The following AFF4 variants were observed in gnomAD, a reference collection of about 807,000 sequenced individuals.
AFF4 encodes the protein ALF transcription elongation factor 4, also known as AF4/FMR2 family member 4.
A neutral mutation model predicts 124.8 loss-of-function variants in AFF4; 13 were observed. That is an observed-to-expected ratio of 0.10 (90% CI 0.07 to 0.17). The LOEUF (loss-of-function observed/expected upper bound fraction) is 0.17, where lower values mean the gene tolerates loss of function less well. Ranked by LOEUF, AFF4 falls within the 10% of genes least tolerant of loss-of-function variation. AFF4 has a pLI of 1.00. For missense variants in AFF4, 1,092 were observed against 1,403.8 expected (o/e 0.78, Z 3.55); for synonymous variants, 477 against 496.1 (o/e 0.96, Z 0.51).
rs1278614054 is a variant in AFF4 at position 132,898,211 on chromosome 5, CCCA to C, written c.1389+16_1389+18del. On this transcript the variant is annotated intron_variant, in intron 10 of 20. Coordinates refer to ENST00000265343, the MANE Select transcript of AFF4 (RefSeq NM_014423.4). ...CCCTGAGAGGGCCTGTGGAAGGTAC[CCCA>C]CCGCCTCTGTCTCACCTCGGGAGAT... 1.3e-5 allele frequency: 21 copies of C among 1,613,598 alleles called. No individual in the cohort carries two copies. The highest frequency in any genetic ancestry group is 1.8e-5 in the Non-Finnish European group (21 of 1,179,770).
At chr5:132,890,627 A>G (rs1262984754) in intron 13 of AFF4, among the ~76,000 whole-genome samples, 1 of 152,208 alleles carries the variant, frequency 6.6e-6, no homozygotes, top group Non-Finnish European at 1.5e-5. Flanking sequence ...ACTAAATTAC[A>G]GATTATTCTC....
chr5:132,936,469 G>C (rs553530439), intron 2 of AFF4, among the ~76,000 whole-genome samples: 15 of 152,020 alleles, frequency 9.9e-5, no homozygotes, highest in Non-Finnish European at 2.1e-4. Flanking sequence ...TGATACTGAA[G>C]ACACATTTAT....
chr5:132,922,567 G>A (rs1761071777), intron 5 of AFF4, among the ~76,000 whole-genome samples: 1 of 151,938 alleles, frequency 6.6e-6, no homozygotes, highest in African/African-American at 2.4e-5. Context: ...GGCTCACGAG[G>A]TCAAGAGATC....
intron 5 of AFF4, among the ~76,000 whole-genome samples, chr5:132,910,989 T>C (rs1013327463): frequency 2.0e-4 from 30 of 152,290 alleles, no homozygotes; most frequent in Admixed American, 9.8e-4. Context: ...ATACCCATAT[T>C]CTCTGCTTCC....
intron 1 of AFF4, among the ~76,000 whole-genome samples, chr5:132,950,690 AT>A (rs1164883316): frequency 2.0e-5 from 3 of 152,138 alleles, no homozygotes; most frequent in African/African-American, 7.2e-5. Context: ...TGGAAGAAAA[AT>A]ATTTTTATCA....
chr5:132,948,443 AAAC>A (rs1329753154), intron 1 of AFF4: 1 of 152,352 alleles, frequency 6.6e-6, no homozygotes, highest in African/African-American at 2.4e-5. Context: ...AAAGATTAAA[AAAC>A]AATACTAAAA....
intron 20 of AFF4, among the ~76,000 whole-genome samples, chr5:132,882,386 T>C (rs773633671): frequency 6.6e-6 from 1 of 152,176 alleles, no homozygotes; most frequent in African/African-American, 2.4e-5. Context: ...CTGTAAAGGA[T>C]CTGCCTAAAG....
intron 1 of AFF4, among the ~76,000 whole-genome samples, chr5:132,938,867 C>T (rs1253963643): frequency 3.7e-5 from 5 of 135,112 alleles, no homozygotes; most frequent in East Asian, 2.4e-4. Context: ...GGCGTGAACC[C>T]GGGAGGCAGA....
chr5:132,895,195 T>C (rs1280622275), intron 11 of AFF4, among the ~76,000 whole-genome samples: 1 of 151,866 alleles, frequency 6.6e-6, no homozygotes, highest in African/African-American at 2.4e-5. Flanking sequence ...AAAACATCTC[T>C]ATACTATGAT....
At position 132,936,610 on chromosome 5, in the gene AFF4, CAA is replaced by C. The variant is rs1761437910; in HGVS notation, c.123+455_123+456del. Among the ~76,000 whole-genome samples the C allele has an allele frequency of 3.9e-5, 6 of 152,186 alleles. No homozygotes were observed. The South Asian group carries it at 1.2e-3, about 32-fold the overall frequency. On this transcript the variant is annotated intron_variant, in intron 2 of 20. Transcript: ENST00000265343. ...TAAAGAACACCTAGGAAAAATCAAACAATGCAAATTGAGTTACAAAATTCTAA... is the reference window on the plus strand; with the variant it reads ...TAAAGAACACCTAGGAAAAATCAAACTGCAAATTGAGTTACAAAATTCTAA...
chr5:132,921,746 G>A (rs1416724831), intron 5 of AFF4, among the ~76,000 whole-genome samples: 1 of 152,016 alleles, frequency 6.6e-6, no homozygotes, highest in African/African-American at 2.4e-5. Context: ...GATTACAGGC[G>A]TGAGCCACTG....
intron 3 of AFF4, among the ~76,000 whole-genome samples, 192 bp downstream of exon 3, chr5:132,933,955 G>C (rs983816198): frequency 6.6e-6 from 1 of 152,116 alleles, no homozygotes; most frequent in Non-Finnish European, 1.5e-5. Context: ...TTTCCCAAGA[G>C]GACGAGTTAA....
intron 5 of AFF4, among the ~76,000 whole-genome samples, chr5:132,907,580 T>C (rs879553601): frequency 1.3e-5 from 2 of 152,088 alleles, no homozygotes; most frequent in Admixed American, 1.3e-4. Flanking sequence ...GAGTTTGTAA[T>C]TGTGCATGCA....
In AFF4 at chr5:132,878,980, G is replaced by A. The variant is rs1445474602; in HGVS notation, c.*2079C>T. 4.5e-6 allele frequency: 1 copy of A among 221,746 alleles called. No individual in the cohort carries two copies. The highest frequency in any genetic ancestry group is 9.0e-6 in the Non-Finnish European group (1 of 110,978). 13.7% of individuals were successfully genotyped at this position (221,746 alleles called of 1,614,324 possible). ...GAAGGACAAGACATAACATGTATTT[G>A]ATTAACAACCATTATTTCTTACTAA... On this transcript the variant is annotated 3_prime_UTR_variant, in exon 21 of 21. Coordinates refer to ENST00000265343, the MANE Select transcript of AFF4 (RefSeq NM_014423.4).
intron 5 of AFF4, among the ~76,000 whole-genome samples, chr5:132,908,101 C>T (rs1214169911): frequency 6.6e-6 from 1 of 151,114 alleles, no homozygotes; most frequent in Non-Finnish European, 1.5e-5. Flanking sequence ...ACAGCTTAAA[C>T]AAGTTTGTCT....
chr5:132,956,957 T>C (rs1467719252), intron 1 of AFF4, among the ~76,000 whole-genome samples: 1 of 135,572 alleles, frequency 7.4e-6, no homozygotes, highest in South Asian at 2.3e-4. Flanking sequence ...GAGGTGAAGG[T>C]TGTGGTGAGC....
intron 17 of AFF4, 66 bp downstream of exon 17, chr5:132,887,455 C>G: frequency 7.2e-7 from 1 of 1,379,876 alleles, no homozygotes; most frequent in Non-Finnish European, 1.0e-6. Flanking sequence ...TTCAGAAGAG[C>G]ACACACAGCA....
intron 2 of AFF4, among the ~76,000 whole-genome samples, chr5:132,935,539 G>C (rs1230892603): frequency 6.6e-6 from 1 of 152,144 alleles, no homozygotes; most frequent in Non-Finnish European, 1.5e-5. Context: ...GGGAGGCCAA[G>C]GTGGGCGGAT....
intron 5 of AFF4, among the ~76,000 whole-genome samples, chr5:132,924,130 T>C (rs1347912160): frequency 6.6e-6 from 1 of 152,082 alleles, no homozygotes; most frequent in Non-Finnish European, 1.5e-5. Flanking sequence ...GGTGCATGCC[T>C]GTAATCCCAG....
Sources: gnomAD v4.1 joint callset for allele counts (sites outside exome capture counted in the v4.1 genomes callset) on GRCh38, gnomAD v4.1.1 for gene constraint, MANE v1.5 for transcripts, NCBI Gene and HGNC (gene_info 2026-07-23, HGNC 2026-07-21) for gene names.